KLHL13: variants seen among roughly 807,000 people sequenced by gnomAD.
KLHL13 encodes kelch-like protein 13.
Under a neutral mutation model 37.1 loss-of-function variants are expected in KLHL13, and 10 were observed. The ratio of observed to expected loss-of-function variants is 0.27; its 90% CI spans 0.17 to 0.46. The LOEUF is 0.46. KLHL13 is among the 20% of genes least tolerant of loss of function. KLHL13 has a pLI of 1.00. For synonymous variants in KLHL13, 163 were observed against 181.2 expected, an observed-to-expected ratio of 0.90 and a Z score of 0.81; for missense variants, 360 against 509.3, an observed-to-expected ratio of 0.71 and a Z score of 2.82.
exon 1 of KLHL13, chrX:117,973,627 C>A: frequency 2.3e-6 from 2 of 874,396 alleles, no homozygotes; most frequent in Non-Finnish European, 2.8e-6. Flanking sequence ...TTTCCCTATT[C>A]TTATTTCCAA....
chrX:118,091,226 T>C (rs1034716400), intron 1 of KLHL13, among the ~76,000 whole-genome samples: 5 of 109,900 alleles, frequency 4.5e-5, no homozygotes, highest in Admixed American at 1.9e-4. Flanking sequence ...CATGTATACA[T>C]ATGTGACAAA....
intron 1 of KLHL13, among the ~76,000 whole-genome samples, chrX:118,052,394 G>T (rs1017114552): frequency 1.9e-5 from 2 of 105,290 alleles, no homozygotes; most frequent in African/African-American, 3.5e-5. Flanking sequence ...GTGGTGGCAG[G>T]CGCCTATAGT....
rs191625493 is a variant in KLHL13 at position 118,038,336 on chromosome X, C to A, written c.-56+78172G>T. Among the ~76,000 whole-genome samples the A allele has an allele frequency of 9.1e-3, 1,017 of 111,933 alleles. 17 individuals carry two copies. Among genetic ancestry groups the A allele is most frequent in the African/African-American group, 0.03 (939 of 30,840 alleles). ...CACAAAAAAGAACTTTCATAACAAC[C>A]AAAAATCAGGTGAATGATCACAATA... is the stretch of plus-strand genomic sequence containing the variant. On this transcript the variant is annotated intron_variant, in intron 1 of 6. Transcript: ENST00000371882.
At chrX:118,003,026 T>C (rs1485187910) in intron 1 of KLHL13, among the ~76,000 whole-genome samples, 2 of 112,197 alleles carry the variant, frequency 1.8e-5, no homozygotes, top group African/African-American at 3.2e-5. Flanking sequence ...AATAATGTGG[T>C]ACAGTAATAG....
intron 1 of KLHL13, among the ~76,000 whole-genome samples, chrX:118,082,232 A>C (rs1200975217): frequency 9.0e-6 from 1 of 110,583 alleles, no homozygotes; most frequent in African/African-American, 3.3e-5. Flanking sequence ...TCCACCAACA[A>C]TATGTAAGTT....
At chrX:118,014,279 C>A (rs186465634) in intron 1 of KLHL13, among the ~76,000 whole-genome samples, 1 of 111,379 alleles carries the variant, frequency 9.0e-6, no homozygotes, top group East Asian at 2.8e-4. Flanking sequence ...AAATGCATTC[C>A]TGAGGGTAGG....
chrX:117,934,682 A>G (rs1932685254), intron 2 of KLHL13, among the ~76,000 whole-genome samples: 1 of 110,261 alleles, frequency 9.1e-6, no homozygotes, highest in South Asian at 3.8e-4. Context: ...ATACACATAT[A>G]TGTAATATAA....
chrX:117,965,994 C>T (rs1317436006), intron 1 of KLHL13, among the ~76,000 whole-genome samples: 13 of 111,214 alleles, frequency 1.2e-4, no homozygotes, highest in Non-Finnish European at 2.3e-4. Flanking sequence ...AAAACTGGCA[C>T]AAGACAGGGA....
exon 7 of KLHL13, chrX:117,898,763 T>C (rs1929889062): frequency 1.5e-6 from 1 of 661,886 alleles, no homozygotes; most frequent in African/African-American, 2.2e-5. Flanking sequence ...AGAGCACAAA[T>C]AACATCAATG....
Position 117,920,390 on chromosome X carries a change from T to C in KLHL13, c.241-20A>G, listed in dbSNP as rs150113007. On this transcript the variant is annotated intron_variant, in intron 2 of 6. Transcript: ENST00000262820. Reference sequence around the variant, plus strand: ...AAAGCCCTACAACAAGAACATGAGTTGAGTCACTAATCAAGGTAAAATGAG... The same window carrying C: ...AAAGCCCTACAACAAGAACATGAGTCGAGTCACTAATCAAGGTAAAATGAG... 2,173 of 1,194,571 alleles carry C rather than the reference T, an allele frequency of 1.8e-3. 24 individuals carry two copies. The African/African-American group carries it at 0.032, about 18-fold the overall frequency.
chrX:117,955,044 A>G (rs1266344278), intron 1 of KLHL13, among the ~76,000 whole-genome samples: 1 of 112,173 alleles, frequency 8.9e-6, no homozygotes, highest in African/African-American at 3.2e-5. Context: ...GTGCATTAAA[A>G]TCAAAAAGCA....
rs745508918 is a variant in KLHL13 at position 117,953,534 on chromosome X, C to T, written c.99-7959G>A. Among the ~76,000 whole-genome samples the T allele has an allele frequency of 1.5e-3, 164 of 109,199 alleles. 2 individuals carry two copies. The highest frequency in any genetic ancestry group is 5.3e-3 in the African/African-American group (159 of 29,939). 94.8% of individuals were successfully genotyped at this position (109,199 alleles called of 115,157 possible). A position where few individuals can be genotyped will look rare whatever the true frequency, so the allele number is the denominator to read the frequency against. ...TAACCTGCACATTGTGCACATGTAC[C>T]CTAAAACTTAAAGTATAATAGTAAT... On this transcript the variant is annotated intron_variant, in intron 1 of 6. Coordinates refer to ENST00000262820, the Ensembl canonical transcript of KLHL13.
At chrX:117,898,987 C>T (rs775083497) in exon 7 of KLHL13, 1 of 1,210,844 alleles carries the variant, frequency 8.3e-7, no homozygotes, top group Non-Finnish European at 1.1e-6. Flanking sequence ...TGTGCAAGCA[C>T]GAATGCCACC....
chrX:118,083,850 A>C (rs963267465), intron 1 of KLHL13, among the ~76,000 whole-genome samples: 3 of 111,986 alleles, frequency 2.7e-5, no homozygotes, highest in African/African-American at 9.7e-5. Context: ...AACAATTATC[A>C]TGTATCAATT....
intron 1 of KLHL13, among the ~76,000 whole-genome samples, chrX:118,006,420 T>C (rs1238165972): frequency 9.0e-6 from 1 of 110,974 alleles, no homozygotes; most frequent in Non-Finnish European, 1.9e-5. Flanking sequence ...GTCTTGGCCC[T>C]TTACCTTGCT....
chrX:118,084,114 G>A (rs2055027772), intron 1 of KLHL13, among the ~76,000 whole-genome samples: 1 of 109,048 alleles, frequency 9.2e-6, no homozygotes, highest in African/African-American at 3.4e-5. Context: ...GAGGCCAGGA[G>A]TTTGAGATCA....
chrX:118,078,906 C>T lies in KLHL13; in HGVS notation c.-56+37602G>A, dbSNP rs187431637. The stretch of plus-strand genomic sequence containing the variant: ...GCAATGTATGAGAGTTTTACTTGCT[C>T]ACAATCCTTGCCAGCACCTTCGCAT... On this transcript the variant is annotated intron_variant, in intron 1 of 6. Transcript: ENST00000371882. Among the ~76,000 whole-genome samples the T allele has an allele frequency of 2.7e-5, 3 of 111,197 alleles. No homozygotes were observed. In the Admixed American group the frequency reaches 2.9e-4, roughly 11 times the overall value.
At chrX:117,908,416 CTGG>C (rs1930720921) in intron 5 of KLHL13, among the ~76,000 whole-genome samples, 1 of 108,421 alleles carries the variant, frequency 9.2e-6, no homozygotes, top group Non-Finnish European at 1.9e-5. Context: ...CAGACAGGCC[CTGG>C]TGTGTGATGT....
chrX:118,067,344 G>A (rs1206479345), intron 1 of KLHL13, among the ~76,000 whole-genome samples: 2 of 111,563 alleles, frequency 1.8e-5, no homozygotes, highest in Middle Eastern at 4.6e-3. Context: ...GTTGCTCTGA[G>A]TGAGTCAGTA....
Sources: allele counts gnomAD v4.1 joint callset (sites outside exome capture counted in the v4.1 genomes callset), GRCh38; gene constraint gnomAD v4.1.1; transcripts MANE v1.5; gene names NCBI Gene and HGNC (gene_info 2026-07-23, HGNC 2026-07-21).